The following MBNL1 variants were observed in gnomAD, a reference collection of about 807,000 sequenced individuals.
The protein encoded by MBNL1 is muscleblind like splicing regulator 1.
MBNL1 carries 8 observed loss-of-function variants against 42.2 expected under a neutral mutation model. The ratio of observed to expected loss-of-function variants is 0.19; its 90% CI spans 0.11 to 0.34. MBNL1 has a LOEUF of 0.34. Ranked by LOEUF, MBNL1 falls within the 10% of genes least tolerant of loss-of-function variation. The pLI, the probability that MBNL1 is intolerant of heterozygous loss-of-function variation, is 1.00. For missense variants in MBNL1, 309 were observed against 495.3 expected (o/e 0.62, Z 3.57); for synonymous variants, 169 against 173.9 (o/e 0.97, Z 0.22).
chr3:152,305,223 A>G (rs2062439597), intron 2 of MBNL1, among the ~76,000 whole-genome samples: 1 of 152,194 alleles, frequency 6.6e-6, no homozygotes, highest in Non-Finnish European at 1.5e-5. Flanking sequence ...GTGTGGGGTG[A>G]ATTGTCTTTT....
chr3:152,406,151 T>C (rs1418600068), intron 2 of MBNL1, among the ~76,000 whole-genome samples: 2 of 152,156 alleles, frequency 1.3e-5, no homozygotes, highest in Non-Finnish European at 2.9e-5. Context: ...TTGGAGCCTA[T>C]GAAGACTATG....
At chr3:152,304,587 A>T (rs2062113985) in intron 2 of MBNL1, among the ~76,000 whole-genome samples, 1 of 152,232 alleles carries the variant, frequency 6.6e-6, no homozygotes, top group African/African-American at 2.4e-5. Flanking sequence ...GTGCTGGCAC[A>T]TATATTCAAT....
At chr3:152,332,268 C>T (rs1320796076) in intron 2 of MBNL1, among the ~76,000 whole-genome samples, 1 of 152,010 alleles carries the variant, frequency 6.6e-6, no homozygotes, top group Non-Finnish European at 1.5e-5. Flanking sequence ...CTTTGTTTTC[C>T]TCACTCATAA....
chr3:152,267,058 G>C (rs1279926916), upstream of MBNL1: 1 of 152,244 alleles, frequency 6.6e-6, no homozygotes, highest in East Asian at 1.9e-4. Context: ...GGCTGAGAAG[G>C]CTGGCAGACC....
At chr3:152,379,017 G>A (rs1470729761) in intron 2 of MBNL1, among the ~76,000 whole-genome samples, 1 of 152,116 alleles carries the variant, frequency 6.6e-6, no homozygotes, top group East Asian at 1.9e-4. Context: ...TGCCTGGCCT[G>A]AAGTTTAAAA....
intron 3 of MBNL1, among the ~76,000 whole-genome samples, chr3:152,426,576 G>T (rs1177034590): frequency 6.6e-6 from 1 of 152,106 alleles, no homozygotes; most frequent in Non-Finnish European, 1.5e-5. Context: ...TTGTTGCCAG[G>T]CTCTCTTCAT....
intron 2 of MBNL1, among the ~76,000 whole-genome samples, chr3:152,324,425 A>C (rs2078239326): frequency 6.6e-6 from 1 of 152,090 alleles, no homozygotes; most frequent in Non-Finnish European, 1.5e-5. Flanking sequence ...AGCTTGTTGA[A>C]GGTTACAGGC....
chr3:152,388,006 C>T (rs2097525047), intron 2 of MBNL1, among the ~76,000 whole-genome samples: 1 of 152,172 alleles, frequency 6.6e-6, no homozygotes, highest in African/African-American at 2.4e-5. Flanking sequence ...CTACAGCTCC[C>T]TGTAAAATAA....
chr3:152,458,235 A>T (rs1560687075), intron 8 of MBNL1: 4 of 1,570,530 alleles, frequency 2.5e-6, no homozygotes, highest in Non-Finnish European at 3.5e-6. Context: ...TTTTCGTGCC[A>T]TTTGCCAATG....
At chr3:152,344,154 A>T (rs780976402) in intron 2 of MBNL1, among the ~76,000 whole-genome samples, 4 of 152,180 alleles carry the variant, frequency 2.6e-5, no homozygotes, top group Non-Finnish European at 4.4e-5. Context: ...AAATATGGTG[A>T]AAACATCTTT....
At chr3:152,446,579 G>GT (rs2099230106) in intron 5 of MBNL1, 4 of 668,682 alleles carry the variant, frequency 6.0e-6, no homozygotes, top group Non-Finnish European at 5.3e-6. Context: ...TTTTTTATTT[G>GT]TTTTTTCTCA....
At chr3:152,343,457 A>G (rs567903535) in intron 2 of MBNL1, among the ~76,000 whole-genome samples, 33 of 152,250 alleles carry the variant, frequency 2.2e-4, no homozygotes, top group African/African-American at 7.9e-4. Context: ...GAGGATGTGT[A>G]TCATAATATT....
intron 2 of MBNL1, among the ~76,000 whole-genome samples, chr3:152,404,200 A>G (rs749903614): frequency 4.6e-5 from 7 of 152,224 alleles, no homozygotes; most frequent in Non-Finnish European, 8.8e-5. Context: ...GGCAAAGACA[A>G]TGCAGAGCAG....
At chr3:152,391,329 T>G (rs2153474717) in intron 2 of MBNL1, among the ~76,000 whole-genome samples, 1 of 152,390 alleles carries the variant, frequency 6.6e-6, no homozygotes, top group East Asian at 1.9e-4. Flanking sequence ...GATTCTAAGT[T>G]TGAACCATGA....
intron 2 of MBNL1, among the ~76,000 whole-genome samples, chr3:152,402,142 C>T (rs1241889765): frequency 6.6e-6 from 1 of 151,722 alleles, no homozygotes; most frequent in East Asian, 1.9e-4. Context: ...GTTGAAGGAA[C>T]AGGAGAAAAG....
intron 2 of MBNL1, among the ~76,000 whole-genome samples, chr3:152,358,099 T>C (rs994692898): frequency 6.6e-6 from 1 of 152,212 alleles, no homozygotes; most frequent in African/African-American, 2.4e-5. Context: ...AGGGGGTTTG[T>C]TAATTTTAGT....
chr3:152,362,008 A>C (rs2096000151), intron 2 of MBNL1, among the ~76,000 whole-genome samples: 2 of 152,204 alleles, frequency 1.3e-5, no homozygotes, highest in Admixed American at 6.5e-5. Flanking sequence ...TGAAAGACAG[A>C]AAGAGGGAAA....
intron 3 of MBNL1, among the ~76,000 whole-genome samples, chr3:152,430,947 ATTATT>A (rs1212004479): frequency 6.6e-6 from 1 of 152,234 alleles, no homozygotes; most frequent in African/African-American, 2.4e-5. Flanking sequence ...CAGAGGCATA[ATTATT>A]TTAAGTTGAA....
intron 2 of MBNL1, among the ~76,000 whole-genome samples, chr3:152,257,589 T>A (rs1453976085): frequency 6.6e-6 from 1 of 152,226 alleles, no homozygotes; most frequent in Non-Finnish European, 1.5e-5. Context: ...ACTAAAATAG[T>A]ACTTAGCAAC....
Sources: allele counts gnomAD v4.1 joint callset (sites outside exome capture counted in the v4.1 genomes callset), GRCh38; gene constraint gnomAD v4.1.1; transcripts MANE v1.5; gene names NCBI Gene and HGNC (gene_info 2026-07-23, HGNC 2026-07-21).